The following ZNF766 variants were observed in gnomAD, a reference collection of about 807,000 sequenced individuals.
The protein encoded by ZNF766 is zinc finger protein 766.
In ZNF766, 13 loss-of-function variants were observed where a neutral mutation model predicts 13.2. The observed-to-expected ratio is 0.98, with a 90% CI of 0.64 to 1.56. The LOEUF (loss-of-function observed/expected upper bound fraction) is 1.56. Among genes scored for constraint, ZNF766 ranks in the 40% most tolerant of loss-of-function variants. The probability of loss-of-function intolerance (pLI) is 0.00; values close to 1 mark genes in which losing one functional copy is unlikely to be tolerated. For missense variants in ZNF766, 521 were observed against 552.2 expected (o/e 0.94, Z 0.57); for synonymous variants, 178 against 187.6 (o/e 0.95, Z 0.42).
In ZNF766 at chr19:52,291,789, G is replaced by T; in HGVS notation, c.*591G>T. On this transcript the variant is annotated 3_prime_UTR_variant, in exon 4 of 4. Coordinates refer to ENST00000439461, the MANE Select transcript of ZNF766 (RefSeq NM_001010851.3). ...AAAAAAAAAAAAATTATTTGGGTTT[G>T]AAAGGCCAGGGGCAGTGGTTCATGC... The T allele has an allele frequency of 5.3e-6, 1 of 189,218 alleles. No individual in the cohort carries two copies. Among genetic ancestry groups the T allele is most frequent in the East Asian group, 1.3e-4 (1 of 7,986 alleles). The allele number at this position is 189,218 out of a possible 1,614,324, so 11.7% of individuals were successfully genotyped here.
intron 1 of ZNF766, among the ~76,000 whole-genome samples, chr19:52,281,229 C>A (rs1981498587): frequency 6.6e-6 from 1 of 151,546 alleles, no homozygotes. Flanking sequence ...AAGTGTTCTA[C>A]ACTATTGGGC....
At chr19:52,277,780 G>A (rs897518970) in intron 1 of ZNF766, among the ~76,000 whole-genome samples, 2 of 152,002 alleles carry the variant, frequency 1.3e-5, no homozygotes, top group African/African-American at 4.8e-5. Context: ...ACACCCAGAC[G>A]TGGGTGGAGA....
At chr19:52,277,430 G>T in intron 1 of ZNF766, 1 of 1,516,160 alleles carries the variant, frequency 6.6e-7, no homozygotes, top group Non-Finnish European at 8.9e-7. Context: ...CGGCACTCCA[G>T]CCTGGGTGAC....
rs1482683606 is a variant in ZNF766 at position 52,292,584 on chromosome 19, T to C, written c.*1386T>C. On this transcript the variant is annotated 3_prime_UTR_variant, in exon 4 of 4. Transcript: ENST00000439461. ...ATTTTTCAAATGGAAGAGAGAACAGTTAAATCAGAGTAGAGAGTTTAATCA... is the reference window on the plus strand; with the variant it reads ...ATTTTTCAAATGGAAGAGAGAACAGCTAAATCAGAGTAGAGAGTTTAATCA... 2 of 166,710 alleles carry C rather than the reference T, an allele frequency of 1.2e-5. No homozygotes were observed. Among genetic ancestry groups the C allele is most frequent in the African/African-American group, 4.8e-5 (2 of 42,080 alleles). The allele number at this position is 166,710 out of a possible 1,614,324, so 10.3% of individuals were successfully genotyped here. A position where few individuals can be genotyped will look rare whatever the true frequency, so the allele number is the denominator to read the frequency against.
rs189668475 is a variant in ZNF766 at position 52,270,999 on chromosome 19, G to T, written c.18+1368G>T. Reference sequence around the variant, plus strand: ...GGGTTTCACCGTGTTGGCCTGACGGGTCGTGAACTCCTGAGACCTCAGGTG... The same window carrying T: ...GGGTTTCACCGTGTTGGCCTGACGGTTCGTGAACTCCTGAGACCTCAGGTG... On this transcript the variant is annotated intron_variant, in intron 1 of 3. Transcript: ENST00000439461. 3.9e-3 allele frequency among the ~76,000 whole-genome samples: 591 copies of T among 152,262 alleles called. 3 individuals carry two copies. Among genetic ancestry groups the T allele is most frequent in the African/African-American group, 0.013 (559 of 41,548 alleles).
chr19:52,273,051 C>T (rs1981043261), intron 1 of ZNF766, among the ~76,000 whole-genome samples: 1 of 151,998 alleles, frequency 6.6e-6, no homozygotes, highest in Non-Finnish European at 1.5e-5. Flanking sequence ...GCTGTGTCAC[C>T]AGGCTGGAGT....
chr19:52,274,302 G>A (rs1269038301), intron 1 of ZNF766, among the ~76,000 whole-genome samples: 2 of 152,056 alleles, frequency 1.3e-5, no homozygotes, highest in African/African-American at 4.8e-5. Flanking sequence ...AGGACATTTC[G>A]GTCAACAGCA....
chr19:52,295,891 G>GT lies in ZNF766; in HGVS notation c.*4699dup. ...TTTGGGATTTCTGTTGGTTTGTTTT[G>GT]TTTTTTGCTTTTCTACATAATTGTT... On this transcript the variant is annotated 3_prime_UTR_variant, in exon 4 of 4. Transcript: ENST00000439461. 6.6e-6 allele frequency: 1 copy of GT among 151,546 alleles called. No homozygotes were observed. Among genetic ancestry groups the GT allele is most frequent in the Admixed American group, 6.6e-5 (1 of 15,220 alleles). 9.4% of individuals were successfully genotyped at this position (151,546 alleles called of 1,614,324 possible). A position where few individuals can be genotyped will look rare whatever the true frequency, so the allele number is the denominator to read the frequency against.
At chr19:52,282,857 C>T (rs185748092) in intron 2 of ZNF766, among the ~76,000 whole-genome samples, 5 of 152,230 alleles carry the variant, frequency 3.3e-5, no homozygotes, top group Admixed American at 3.3e-4. Flanking sequence ...GAAGAGAGTT[C>T]GATGTCCAAT....
At chr19:52,274,309 A>G (rs754303035) in intron 1 of ZNF766, among the ~76,000 whole-genome samples, 1 of 152,232 alleles carries the variant, frequency 6.6e-6, no homozygotes, top group African/African-American at 2.4e-5. Context: ...TTCGGTCAAC[A>G]GCAGCCCACA....
chr19:52,270,071 G>C (rs536880410), intron 1 of ZNF766, among the ~76,000 whole-genome samples: 35 of 152,264 alleles, frequency 2.3e-4, no homozygotes, highest in African/African-American at 7.2e-4. Flanking sequence ...AGTCCTCCTT[G>C]GGCCGTTCCC....
At chr19:52,273,124 T>G (rs1401429752) in intron 1 of ZNF766, among the ~76,000 whole-genome samples, 1 of 152,178 alleles carries the variant, frequency 6.6e-6, no homozygotes, top group Non-Finnish European at 1.5e-5. Flanking sequence ...TTCTCCTGTC[T>G]CAGCCTCCCA....
At chr19:52,276,896 G>A (rs1299693315) in intron 1 of ZNF766, among the ~76,000 whole-genome samples, 1 of 152,134 alleles carries the variant, frequency 6.6e-6, no homozygotes, top group Non-Finnish European at 1.5e-5. Context: ...GCCCTGAAGG[G>A]GAGCTTAGTC....
At position 52,293,750 on chromosome 19, in the gene ZNF766, C is replaced by T. The variant is rs71358869; in HGVS notation, c.*2552C>T. On this transcript the variant is annotated 3_prime_UTR_variant, in exon 4 of 4. Transcript: ENST00000439461. ...AAGTGATTCTCCTGCCTCAGCCTCC[C>T]GAGTAGCTGGGATTACATGCATGTG... 0.25 allele frequency: 37,860 copies of T among 151,980 alleles called. 4,905 individuals are homozygous for T. The highest frequency in any genetic ancestry group is 0.46 in the East Asian group (2,378 of 5,116). The allele number at this position is 151,980 out of a possible 1,614,324, so 9.4% of individuals were successfully genotyped here.
rs1981625293 is a variant in ZNF766, at chr19:52,283,279, A to T, written c.146-6A>T. ...AGCACATCTTGATTCTTTCTTTTATAAACAGGAATCTGTCTTCCTGACCTG... is the reference window on the plus strand; with the variant it reads ...AGCACATCTTGATTCTTTCTTTTATTAACAGGAATCTGTCTTCCTGACCTG... On this transcript the variant is annotated splice_region_variant and splice_polypyrimidine_tract_variant and intron_variant, in intron 2 of 3. Transcript: ENST00000439461. The T allele has an allele frequency of 6.2e-7, 1 of 1,612,062 alleles. No homozygotes were observed.
chr19:52,284,399 C>G (rs1383087169), intron 3 of ZNF766, among the ~76,000 whole-genome samples: 1 of 152,120 alleles, frequency 6.6e-6, no homozygotes, highest in Non-Finnish European at 1.5e-5. Flanking sequence ...GCATCTGGGT[C>G]CTGGAAACTG....
At chr19:52,287,947 TA>T in intron 3 of ZNF766, 1 of 412,768 alleles carries the variant, frequency 2.4e-6, no homozygotes, top group East Asian at 7.6e-5. Context: ...TGACTTTCTC[TA>T]GTGCTTCTCT....
chr19:52,278,517 C>T (rs1981327908), intron 1 of ZNF766, among the ~76,000 whole-genome samples: 1 of 152,130 alleles, frequency 6.6e-6, no homozygotes, highest in Non-Finnish European at 1.5e-5. Context: ...AATTCTCCTG[C>T]CTCAGCCTCC....
At chr19:52,275,854 T>TG (rs1301897489) in intron 1 of ZNF766, among the ~76,000 whole-genome samples, 1 of 152,108 alleles carries the variant, frequency 6.6e-6, no homozygotes, top group Non-Finnish European at 1.5e-5. Context: ...CTAATTTTTG[T>TG]GTTTTTAGTA....
Sources: gnomAD v4.1 joint callset for allele counts (sites outside exome capture counted in the v4.1 genomes callset) on GRCh38, gnomAD v4.1.1 for gene constraint, MANE v1.5 for transcripts, NCBI Gene and HGNC (gene_info 2026-07-23, HGNC 2026-07-21) for gene names.